Variants in CEP112 observed in about 807,000 individuals in gnomAD.
CEP112 encodes centrosomal protein 112.
CEP112 carries 127 observed loss-of-function variants against 153.0 expected under a neutral mutation model. The ratio of observed to expected loss-of-function variants is 0.83; its 90% confidence interval spans 0.72 to 0.96. The LOEUF is 0.96. CEP112 is among the 40% of genes least tolerant of loss of function. The pLI is 0.00. For synonymous variants in CEP112, 358 were observed against 374.4 expected, an observed-to-expected ratio of 0.96 and a Z score of 0.51; for missense variants, 1,089 against 1,101.2, an observed-to-expected ratio of 0.99 and a Z score of 0.16.
At chr17:66,069,661 ATAGT>A (rs2067241275) in intron 9 of CEP112, among the ~76,000 whole-genome samples, 3 of 152,166 alleles carry the variant, frequency 2.0e-5, no homozygotes, top group Non-Finnish European at 4.4e-5. Flanking sequence ...CCTAAATGCA[ATAGT>A]TAAAGAAGGA....
intron 16 of CEP112, among the ~76,000 whole-genome samples, chr17:66,012,228 T>G (rs902148035): frequency 2.0e-5 from 3 of 152,208 alleles, no homozygotes; most frequent in Non-Finnish European, 4.4e-5. Context: ...CCCATTTACA[T>G]TCAAGGTTAG....
intron 23 of CEP112, among the ~76,000 whole-genome samples, chr17:65,710,301 C>A (rs1265585040): frequency 6.6e-6 from 1 of 152,188 alleles, no homozygotes; most frequent in Non-Finnish European, 1.5e-5. Context: ...CTCCTTATAG[C>A]AGCTTTATTG....
intron 24 of CEP112, among the ~76,000 whole-genome samples, chr17:65,659,429 G>T (rs1161051886): frequency 6.6e-6 from 1 of 152,172 alleles, no homozygotes; most frequent in African/African-American, 2.4e-5. Flanking sequence ...GGCATGTCTT[G>T]CCAGATATGG....
chr17:66,035,429 AG>A (rs1366271845), intron 12 of CEP112, among the ~76,000 whole-genome samples: 1 of 152,098 alleles, frequency 6.6e-6, no homozygotes, highest in Non-Finnish European at 1.5e-5. Flanking sequence ...ACAAACCTTC[AG>A]GTTCCAACAG....
intron 1 of CEP112, among the ~76,000 whole-genome samples, chr17:66,186,713 C>G (rs1170978068): frequency 6.6e-6 from 1 of 152,190 alleles, no homozygotes; most frequent in African/African-American, 2.4e-5. Context: ...AATGGCACTG[C>G]CTTATAGTCA....
At chr17:65,963,642 T>C (rs1711590650) in intron 17 of CEP112, among the ~76,000 whole-genome samples, 1 of 151,550 alleles carries the variant, frequency 6.6e-6, no homozygotes, top group South Asian at 2.1e-4. Context: ...TATAGATATA[T>C]AGATATCGAT....
intron 19 of CEP112, chr17:65,913,657 G>T: frequency 1.0e-6 from 1 of 985,284 alleles, no homozygotes; most frequent in Non-Finnish European, 1.2e-6. Context: ...TGTGATAACC[G>T]CTGTTAGAGA....
At chr17:65,677,054 A>G (rs1361505364) in intron 24 of CEP112, among the ~76,000 whole-genome samples, 1 of 150,938 alleles carries the variant, frequency 6.6e-6, no homozygotes, top group Non-Finnish European at 1.5e-5. Flanking sequence ...AGCCCCCCAA[A>G]TAAGTTTGTC....
intron 12 of CEP112, among the ~76,000 whole-genome samples, chr17:66,049,576 T>C (rs2066354419): frequency 6.6e-6 from 1 of 151,862 alleles, no homozygotes. Flanking sequence ...ATGGCAAAAC[T>C]CCATCTCTAC....
chr17:65,809,010 C>T (rs569303506), intron 21 of CEP112, among the ~76,000 whole-genome samples: 20 of 152,302 alleles, frequency 1.3e-4, no homozygotes, highest in Non-Finnish European at 1.9e-4. Context: ...AGCAAGAATG[C>T]CCTTACCAGA....
At chr17:65,993,769 T>C (rs1053126326) in intron 17 of CEP112, among the ~76,000 whole-genome samples, 2 of 152,198 alleles carry the variant, frequency 1.3e-5, no homozygotes, top group African/African-American at 4.8e-5. Context: ...TATGATTTTA[T>C]TTATGTGCAG....
rs75669205 is a variant in CEP112 at position 65,736,945 on chromosome 17, G to A, written c.2607+6123C>T. 1.6e-3 allele frequency among the ~76,000 whole-genome samples: 250 copies of A among 152,202 alleles called. 1 individual carries two copies. The highest frequency in any genetic ancestry group is 5.8e-3 in the African/African-American group (241 of 41,532). On this transcript the variant is annotated intron_variant, in intron 23 of 26. Coordinates refer to ENST00000535342, the MANE Select transcript of CEP112 (RefSeq NM_001199165.4). Reference sequence around the variant, plus strand: ...CTGGAGTCAAACCCAGTCAGTCAATGCACATTCTGAATTTGAGCCACAACA... The same window carrying A: ...CTGGAGTCAAACCCAGTCAGTCAATACACATTCTGAATTTGAGCCACAACA...
At chr17:65,933,574 C>A (rs2061201042) in intron 18 of CEP112, among the ~76,000 whole-genome samples, 1 of 152,144 alleles carries the variant, frequency 6.6e-6, no homozygotes, top group Non-Finnish European at 1.5e-5. Flanking sequence ...ATCAAGAATA[C>A]TCTACCTGGC....
intron 9 of CEP112, among the ~76,000 whole-genome samples, chr17:66,069,574 AT>A: frequency 6.6e-6 from 1 of 152,224 alleles, no homozygotes; most frequent in East Asian, 1.9e-4. Flanking sequence ...AAATTCTAGT[AT>A]TTACCATTGA....
intron 23 of CEP112, among the ~76,000 whole-genome samples, chr17:65,742,642 G>A (rs943025536): frequency 2.1e-4 from 32 of 152,244 alleles, no homozygotes; most frequent in African/African-American, 3.1e-4. Context: ...TCCAAGCATC[G>A]AACAGGTTAT....
intron 23 of CEP112, among the ~76,000 whole-genome samples, chr17:65,732,535 T>C (rs1252396970): frequency 2.0e-5 from 3 of 152,228 alleles, no homozygotes; most frequent in African/African-American, 7.2e-5. Flanking sequence ...GCTTCTCTAG[T>C]AATAAAAGTC....
intron 18 of CEP112, among the ~76,000 whole-genome samples, chr17:65,946,352 T>G (rs2061648793): frequency 6.6e-6 from 1 of 152,236 alleles, no homozygotes; most frequent in Non-Finnish European, 1.5e-5. Flanking sequence ...ATTTCATAAA[T>G]GGGGTAAAAT....
At chr17:65,727,901 C>G (rs2050270195) in intron 23 of CEP112, among the ~76,000 whole-genome samples, 2 of 152,080 alleles carry the variant, frequency 1.3e-5, no homozygotes, top group African/African-American at 4.8e-5. Flanking sequence ...CGAGGAACAC[C>G]CACTGGGAGG....
intron 23 of CEP112, among the ~76,000 whole-genome samples, chr17:65,695,241 A>G (rs373442169): frequency 6.6e-6 from 1 of 152,220 alleles, no homozygotes; most frequent in East Asian, 1.9e-4. Flanking sequence ...GGATAATTTG[A>G]TTTGTTCCAA....
Sources: allele counts gnomAD v4.1 joint callset (sites outside exome capture counted in the v4.1 genomes callset), GRCh38; gene constraint gnomAD v4.1.1; transcripts MANE v1.5; gene names NCBI Gene and HGNC (gene_info 2026-07-23, HGNC 2026-07-21).